Variants in CAPZB observed in about 807,000 individuals in gnomAD.
The protein encoded by CAPZB is capping actin protein of muscle Z-line subunit beta.
A neutral mutation model predicts 38.1 loss-of-function variants in CAPZB; 2 were observed. The ratio of observed to expected loss-of-function variants is 0.05; its 90% CI spans 0.02 to 0.17. The LOEUF is 0.17. CAPZB is among the 10% of genes least tolerant of loss of function. CAPZB has a pLI of 1.00. For missense variants in CAPZB, 161 were observed against 334.2 expected (o/e 0.48, Z 4.04); for synonymous variants, 107 against 127.4 (o/e 0.84, Z 1.08).
chr1:19,475,469 C>T (rs1479676085), intron 1 of CAPZB, among the ~76,000 whole-genome samples: 7 of 150,160 alleles, frequency 4.7e-5, no homozygotes, highest in South Asian at 2.1e-4. Flanking sequence ...GTTAGGATCA[C>T]GGCTCCCACC....
chr1:19,453,085 G>A (rs531783334), intron 1 of CAPZB, among the ~76,000 whole-genome samples: 15 of 151,782 alleles, frequency 9.9e-5, no homozygotes, highest in Non-Finnish European at 1.9e-4. Flanking sequence ...GATTAGAGGC[G>A]TGAGCCACCG....
chr1:19,351,442 G>A (rs2093991092), intron 6 of CAPZB, among the ~76,000 whole-genome samples: 1 of 152,090 alleles, frequency 6.6e-6, no homozygotes, highest in Non-Finnish European at 1.5e-5. Flanking sequence ...CAAGAAGCTA[G>A]GACCACAGAT....
At chr1:19,484,325 G>A in intron 1 of CAPZB, 5 of 1,588,184 alleles carry the variant, frequency 3.1e-6, no homozygotes, top group Non-Finnish European at 4.3e-6. Context: ...GGCCCCCCAA[G>A]GCCACGGCCT....
intron 2 of CAPZB, among the ~76,000 whole-genome samples, chr1:19,407,566 C>G (rs576048159): frequency 6.6e-6 from 1 of 152,074 alleles, no homozygotes; most frequent in Admixed American, 6.5e-5. Context: ...GCTGGGAAAC[C>G]GACAGAAAGG....
At chr1:19,444,161 G>T (rs200010122) in intron 1 of CAPZB, among the ~76,000 whole-genome samples, 4 of 148,978 alleles carry the variant, frequency 2.7e-5, no homozygotes, top group Admixed American at 2.7e-4. Flanking sequence ...CCGTCTCAAG[G>T]AAAAAAAAAA....
chr1:19,435,842 T>G (rs1168112384), intron 1 of CAPZB, among the ~76,000 whole-genome samples: 1 of 152,168 alleles, frequency 6.6e-6, no homozygotes, highest in African/African-American at 2.4e-5. Context: ...ACCACTGCCA[T>G]CTCTTTGTTT....
At chr1:19,387,538 G>A (rs1047330079) in intron 2 of CAPZB, among the ~76,000 whole-genome samples, 12 of 152,184 alleles carry the variant, frequency 7.9e-5, no homozygotes, top group Admixed American at 7.8e-4. Context: ...TGTTTATAAT[G>A]CTGGGATGCT....
intron 1 of CAPZB, among the ~76,000 whole-genome samples, chr1:19,436,741 A>G (rs957421514): frequency 6.6e-6 from 1 of 152,248 alleles, no homozygotes; most frequent in Non-Finnish European, 1.5e-5. Flanking sequence ...ATCCTCATTC[A>G]GCATCTGGCA....
chr1:19,412,614 A>C (rs1027715575), intron 2 of CAPZB, among the ~76,000 whole-genome samples: 1 of 152,150 alleles, frequency 6.6e-6, no homozygotes, highest in East Asian at 1.9e-4. Context: ...CAAAACATAC[A>C]ATGCTCTCCT....
At chr1:19,375,262 C>T (rs193243334) in intron 4 of CAPZB, among the ~76,000 whole-genome samples, 4 of 152,350 alleles carry the variant, frequency 2.6e-5, no homozygotes, top group Non-Finnish European at 4.4e-5. Context: ...GCTGGGAAAA[C>T]GTTCCTCGCA....
chr1:19,355,367 C>T (rs368416715), intron 6 of CAPZB, among the ~76,000 whole-genome samples: 8 of 152,024 alleles, frequency 5.3e-5, no homozygotes. Context: ...TGGTGGTGCA[C>T]GCTTGTAATC....
intron 8 of CAPZB, chr1:19,342,666 G>A (rs558726693): frequency 3.2e-5 from 26 of 820,498 alleles, no homozygotes; most frequent in Non-Finnish European, 5.2e-5. Flanking sequence ...AAATGGCCGC[G>A]GAGCAGCAGC....
chr1:19,481,919 T>C (rs1360272812), intron 1 of CAPZB, among the ~76,000 whole-genome samples: 1 of 152,224 alleles, frequency 6.6e-6, no homozygotes, highest in East Asian at 1.9e-4. Flanking sequence ...GCAGAGATCC[T>C]TGTCTTGCAT....
intron 4 of CAPZB, among the ~76,000 whole-genome samples, chr1:19,369,390 CTT>C (rs1309873158): frequency 6.6e-6 from 1 of 152,260 alleles, no homozygotes; most frequent in Non-Finnish European, 1.5e-5. Context: ...TTCTCCAGAC[CTT>C]TCTCTCTGCT....
chr1:19,466,217 G>A (rs1023768369), intron 1 of CAPZB, among the ~76,000 whole-genome samples: 2 of 152,148 alleles, frequency 1.3e-5, no homozygotes, highest in Non-Finnish European at 2.9e-5. Context: ...CCACAGCTCC[G>A]CCAGGAGGGT....
chr1:19,386,111 T>C (rs2094202645), intron 2 of CAPZB, among the ~76,000 whole-genome samples: 1 of 152,220 alleles, frequency 6.6e-6, no homozygotes, highest in African/African-American at 2.4e-5. Context: ...TAGCCAAGTG[T>C]TACCAGTTGG....
intron 2 of CAPZB, among the ~76,000 whole-genome samples, chr1:19,410,496 G>A (rs2094352734): frequency 6.6e-6 from 1 of 152,188 alleles, no homozygotes. Flanking sequence ...GTGGGGGGTG[G>A]TGGGGGGCTG....
chr1:19,445,617 A>G (rs2094493337), intron 1 of CAPZB, among the ~76,000 whole-genome samples: 1 of 152,232 alleles, frequency 6.6e-6, no homozygotes. Flanking sequence ...TTAGAATCAA[A>G]TAATTTCTCT....
rs141319826 is a variant in CAPZB, at chr1:19,476,209, T to C, written c.3+9227A>G. Among the ~76,000 whole-genome samples, 1,293 of 132,244 alleles carry C rather than the reference T, an allele frequency of 9.8e-3. 18 individuals carry two copies. Among genetic ancestry groups the C allele is most frequent in the African/African-American group, 0.037 (1,086 of 29,046 alleles). 86.8% of individuals were successfully genotyped at this position (132,244 alleles called of 152,430 possible). The stretch of plus-strand genomic sequence containing the variant: ...ATAGATAGATAGATAGATAGATAGA[T>C]AGATAGATAGATAGATAGGCAGGCA... On this transcript the variant is annotated intron_variant, in intron 1 of 8. Coordinates refer to ENST00000264202, the MANE Select transcript of CAPZB (RefSeq NM_004930.5).
Sources: gnomAD v4.1 joint callset for allele counts (sites outside exome capture counted in the v4.1 genomes callset) on GRCh38, gnomAD v4.1.1 for gene constraint, MANE v1.5 for transcripts, NCBI Gene and HGNC (gene_info 2026-07-23, HGNC 2026-07-21) for gene names.